Variants in SPIDR observed in about 807,000 individuals in gnomAD.
The protein encoded by SPIDR is scaffold protein involved in DNA repair.
Under a neutral mutation model 104.6 loss-of-function variants are expected in SPIDR, and 93 were observed. That is an observed-to-expected ratio of 0.89 (90% CI 0.75 to 1.06). SPIDR has a LOEUF of 1.06. Ranked by LOEUF, SPIDR falls within the 50% of genes least tolerant of loss-of-function variation. The probability of loss-of-function intolerance (pLI) is 0.00; values close to 1 mark genes in which losing one functional copy is unlikely to be tolerated. For synonymous variants in SPIDR, 431 were observed against 416.9 expected, an observed-to-expected ratio of 1.03 and a Z score of -0.41; for missense variants, 1,154 against 1,111.2, an observed-to-expected ratio of 1.04 and a Z score of -0.55.
intron 10 of SPIDR, among the ~76,000 whole-genome samples, chr8:47,652,990 C>A (rs1202349559): frequency 1.3e-5 from 2 of 152,180 alleles, no homozygotes; most frequent in African/African-American, 4.8e-5. Context: ...TCATTAGACT[C>A]TAATCTAGTC....
chr8:47,727,559 A>G (rs1034127497), intron 17 of SPIDR, among the ~76,000 whole-genome samples: 4 of 152,214 alleles, frequency 2.6e-5, no homozygotes, highest in African/African-American at 7.2e-5. Context: ...AGCCAGGAGA[A>G]TTAAAAAAAC....
intron 7 of SPIDR, among the ~76,000 whole-genome samples, chr8:47,415,733 G>A (rs1374884419): frequency 2.0e-5 from 3 of 152,178 alleles, no homozygotes; most frequent in African/African-American, 7.2e-5. Context: ...GCAGAACTGT[G>A]AGAAACAAAT....
chr8:47,267,852 A>G (rs1019794480), intron 1 of SPIDR, among the ~76,000 whole-genome samples: 8 of 152,036 alleles, frequency 5.3e-5, no homozygotes, highest in African/African-American at 1.7e-4. Flanking sequence ...ATGAGGTCCA[A>G]TTTGTTTTTT....
rs545770330 is a variant in SPIDR at position 47,736,240 on chromosome 8, C to A, written c.*790C>A. 1 of 152,430 alleles carries A rather than the reference C, an allele frequency of 6.6e-6. No individual in the cohort carries two copies. Among genetic ancestry groups the A allele is most frequent in the South Asian group, 2.1e-4 (1 of 4,824 alleles). The allele number at this position is 152,430 out of a possible 1,614,324, so 9.4% of individuals were successfully genotyped here. A position where few individuals can be genotyped will look rare whatever the true frequency, so the allele number is the denominator to read the frequency against. On this transcript the variant is annotated 3_prime_UTR_variant, in exon 20 of 20. Transcript: ENST00000297423. ...AATCATGACAGGCCATGGTTAACTACATCAGATACACGTAGCAGCCGTGAC... is the reference window on the plus strand; with the variant it reads ...AATCATGACAGGCCATGGTTAACTAAATCAGATACACGTAGCAGCCGTGAC...
chr8:47,335,451 T>A (rs1435706040), intron 5 of SPIDR, among the ~76,000 whole-genome samples: 1 of 152,198 alleles, frequency 6.6e-6, no homozygotes, highest in African/African-American at 2.4e-5. Flanking sequence ...TTTGTTTGTT[T>A]GTTTTGGTTT....
In SPIDR at chr8:47,592,554, G is replaced by T. The variant is rs529753964; in HGVS notation, c.1098-3257G>T. ...GGTTCTGCTTTGATGCCAGGAACTG[G>T]TTCTGCCAGCAAACCCTGGGTTTCC... On this transcript the variant is annotated intron_variant, in intron 8 of 19. Coordinates refer to ENST00000297423, the MANE Select transcript of SPIDR (RefSeq NM_001080394.4). 21 of 1,318,300 alleles carry T rather than the reference G, an allele frequency of 1.6e-5. 1 individual carries two copies. The African/African-American group carries it at 2.3e-4, about 15-fold the overall frequency. The allele number at this position is 1,318,300 out of a possible 1,614,324, so 81.7% of individuals were successfully genotyped here.
At chr8:47,511,864 A>C (rs2082380840) in intron 8 of SPIDR, 1 of 829,080 alleles carries the variant, frequency 1.2e-6, no homozygotes, top group Admixed American at 1.7e-5. Context: ...CCCGGCATAA[A>C]ACCTCTGGCC....
At chr8:47,657,739 A>C (rs2073111526) in intron 10 of SPIDR, among the ~76,000 whole-genome samples, 1 of 152,180 alleles carries the variant, frequency 6.6e-6, no homozygotes, top group African/African-American at 2.4e-5. Flanking sequence ...TTCAATTAAT[A>C]AAAAGGCAGG....
intron 10 of SPIDR, among the ~76,000 whole-genome samples, chr8:47,635,054 AGGGAGAT>A (rs1302329727): frequency 6.6e-6 from 1 of 152,176 alleles, no homozygotes. Context: ...GTTGGGGGAA[AGGGAGAT>A]GGTTAATGGG....
intron 14 of SPIDR, among the ~76,000 whole-genome samples, chr8:47,702,835 C>T (rs2080505327): frequency 6.6e-6 from 1 of 152,090 alleles, no homozygotes; most frequent in South Asian, 2.1e-4. Flanking sequence ...GCAAACCAGG[C>T]CCCAGATGCC....
At chr8:47,467,860 A>T (rs537685739) in intron 8 of SPIDR, among the ~76,000 whole-genome samples, 2 of 152,338 alleles carry the variant, frequency 1.3e-5, no homozygotes, top group African/African-American at 4.8e-5. Context: ...TGGCCAGGAC[A>T]GTCAGGCAAT....
chr8:47,435,534 G>A (rs2068138355), intron 7 of SPIDR, among the ~76,000 whole-genome samples: 1 of 152,004 alleles, frequency 6.6e-6, no homozygotes, highest in South Asian at 2.1e-4. Flanking sequence ...AGATCTCTTG[G>A]TGTATCTTCT....
rs539963828 is a variant in SPIDR at position 47,423,028 on chromosome 8, G to A, written c.877+15067G>A. ...GACTTTAAAAGAACAGCCAAAGGCC[G>A]GGTGTGGTGTCTCATGCTTATAATC... On this transcript the variant is annotated intron_variant, in intron 7 of 19. Transcript: ENST00000297423. Among the ~76,000 whole-genome samples, 7 of 152,224 alleles carry A rather than the reference G, an allele frequency of 4.6e-5. No homozygotes were observed. The East Asian group carries it at 9.6e-4, about 21-fold the overall frequency.
At chr8:47,568,047 A>T (rs1465041040) in intron 8 of SPIDR, among the ~76,000 whole-genome samples, 2 of 152,018 alleles carry the variant, frequency 1.3e-5, no homozygotes, top group East Asian at 3.8e-4. Context: ...GAGTTCTGGG[A>T]TTACAGGCAT....
At chr8:47,507,003 CT>C (rs1193605204) in intron 8 of SPIDR, among the ~76,000 whole-genome samples, 2 of 152,150 alleles carry the variant, frequency 1.3e-5, no homozygotes, top group African/African-American at 4.8e-5. Context: ...CTCTGGGCTA[CT>C]GTGGAGAGAG....
At chr8:47,601,238 A>G (rs2062239342) in intron 10 of SPIDR, among the ~76,000 whole-genome samples, 1 of 152,238 alleles carries the variant, frequency 6.6e-6, no homozygotes, top group Non-Finnish European at 1.5e-5. Context: ...TCTGTAGCAC[A>G]TCTGAGATTG....
At chr8:47,354,105 C>T (rs1554624170) in intron 5 of SPIDR, among the ~76,000 whole-genome samples, 2 of 151,980 alleles carry the variant, frequency 1.3e-5, no homozygotes, top group African/African-American at 2.4e-5. Flanking sequence ...TACCGTATAA[C>T]GTATTGACTC....
At chr8:47,549,092 A>T (rs376407663) in intron 8 of SPIDR, among the ~76,000 whole-genome samples, 2 of 152,216 alleles carry the variant, frequency 1.3e-5, no homozygotes, top group African/African-American at 2.4e-5. Context: ...CTAACAAAGG[A>T]CATGAACTCA....
intron 8 of SPIDR, among the ~76,000 whole-genome samples, chr8:47,446,520 G>A (rs2070652610): frequency 6.6e-6 from 1 of 151,768 alleles, no homozygotes; most frequent in African/African-American, 2.4e-5. Context: ...TCTGTAACCT[G>A]TGGATCAAGG....
Sources: gnomAD v4.1 joint callset for allele counts (sites outside exome capture counted in the v4.1 genomes callset) on GRCh38, gnomAD v4.1.1 for gene constraint, MANE v1.5 for transcripts, NCBI Gene and HGNC (gene_info 2026-07-23, HGNC 2026-07-21) for gene names.